The following SGCD variants were observed in gnomAD, a reference collection of about 807,000 sequenced individuals.
The protein encoded by SGCD is delta-sarcoglycan.
A neutral mutation model predicts 36.6 loss-of-function variants in SGCD; 18 were observed. The observed-to-expected ratio is 0.49, with a 90% confidence interval of 0.34 to 0.73. The LOEUF is 0.73. Ranked by LOEUF, SGCD falls within the 30% of genes least tolerant of loss-of-function variation. The pLI is 0.01. For missense variants in SGCD, 387 were observed against 346.7 expected (o/e 1.12, Z -0.92); for synonymous variants, 133 against 130.6 (o/e 1.02, Z -0.12).
At chr5:156,683,370 C>G (rs1753790671) in intron 7 of SGCD, among the ~76,000 whole-genome samples, 2 of 152,288 alleles carry the variant, frequency 1.3e-5, no homozygotes, top group South Asian at 4.2e-4. Flanking sequence ...TTTCTTTCCT[C>G]TCTATTTTAT....
the SGCD span, among the ~76,000 whole-genome samples, chr5:155,750,017 G>A: frequency 3.3e-5 from 5 of 152,224 alleles, no homozygotes; most frequent in African/African-American, 1.2e-4. Context: ...CATTCTTGTT[G>A]TTTGTCTGAG....
At chr5:156,274,701 G>A (rs1046923732) in intron 3 of SGCD, among the ~76,000 whole-genome samples, 16 of 152,142 alleles carry the variant, frequency 1.1e-4, no homozygotes, top group Admixed American at 2.0e-4. Flanking sequence ...TGGAGGTACA[G>A]TAAAATCAAC....
Position 156,504,634 on chromosome 5 carries a change from C to T in SGCD, c.193-3967C>T, listed in dbSNP as rs527281557. On this transcript the variant is annotated intron_variant, in intron 3 of 8. Transcript: ENST00000337851. ...TTTTATTTTTTCTCTTATTAACTGA[C>T]ATGGTGACGAACAACTCTAAAGCTA... Among the ~76,000 whole-genome samples, 4 of 152,162 alleles carry T rather than the reference C, an allele frequency of 2.6e-5. No individual in the cohort carries two copies. In the South Asian group the frequency reaches 6.2e-4, roughly 24 times the overall value.
At chr5:156,365,449 A>G (rs921997283) in intron 3 of SGCD, among the ~76,000 whole-genome samples, 45 of 152,276 alleles carry the variant, frequency 3.0e-4, no homozygotes, top group African/African-American at 1.1e-3. Flanking sequence ...GGAGTTCTTT[A>G]GGAGATGCTT....
chr5:155,833,068 A>AAAAAAAAAAG, the SGCD span, among the ~76,000 whole-genome samples: 1 of 142,640 alleles, frequency 7.0e-6, no homozygotes, highest in Non-Finnish European at 1.5e-5. Context: ...AAAAAAAAAA[A>AAAAAAAAAAG]AAAGAAAAAA....
At chr5:155,983,077 T>C (rs1347202714) in intron 1 of SGCD, among the ~76,000 whole-genome samples, 1 of 151,642 alleles carries the variant, frequency 6.6e-6, no homozygotes, top group Admixed American at 6.5e-5. Context: ...TTTTAAATAC[T>C]TTTTTCCATC....
intron 1 of SGCD, among the ~76,000 whole-genome samples, chr5:156,095,283 G>A (rs1289519808): frequency 1.3e-5 from 2 of 152,180 alleles, no homozygotes; most frequent in African/African-American, 4.8e-5. Flanking sequence ...CACGTGCAGG[G>A]GAGGGGAGAT....
At position 156,603,829 on chromosome 5, in the gene SGCD, G is replaced by A. The variant is rs549099540; in HGVS notation, c.502+8778G>A. Among the ~76,000 whole-genome samples, 23 of 152,030 alleles carry A rather than the reference G, an allele frequency of 1.5e-4. No homozygotes were observed. The South Asian group carries it at 3.1e-3, about 21-fold the overall frequency. On this transcript the variant is annotated intron_variant, in intron 6 of 8. Transcript: ENST00000337851. The stretch of plus-strand genomic sequence containing the variant: ...GTGGTATAACATGTGATCTATTTTG[G>A]AGAATGTTAAACGTGTAATTGAAAA...
intron 8 of SGCD, 44 bp from the exon 9 acceptor site, chr5:156,759,173 G>C: frequency 6.6e-7 from 1 of 1,505,798 alleles, no homozygotes; most frequent in Non-Finnish European, 9.2e-7. Context: ...GAGAAGAGAC[G>C]ACAGCCTCTG....
intron 7 of SGCD, among the ~76,000 whole-genome samples, chr5:156,654,531 A>T (rs1261441447): frequency 6.6e-6 from 1 of 152,084 alleles, no homozygotes; most frequent in Non-Finnish European, 1.5e-5. Context: ...TTAGGCAGAT[A>T]AGGGAACTTC....
At chr5:155,985,405 C>T (rs1371131592) in intron 1 of SGCD, among the ~76,000 whole-genome samples, 5 of 152,180 alleles carry the variant, frequency 3.3e-5, no homozygotes, top group Admixed American at 3.3e-4. Context: ...TGCTTAGAAT[C>T]TCTTGCCTTC....
At chr5:156,317,163 T>C (rs748771888) in intron 3 of SGCD, among the ~76,000 whole-genome samples, 6 of 152,106 alleles carry the variant, frequency 3.9e-5, no homozygotes, top group African/African-American at 1.4e-4. Flanking sequence ...AAATATCAAC[T>C]AATGGGGTGG....
At chr5:155,738,843 GAGTA>G in the SGCD span, among the ~76,000 whole-genome samples, 1 of 150,260 alleles carries the variant, frequency 6.7e-6, no homozygotes, top group Non-Finnish European at 1.5e-5. Context: ...GACTGTGAGA[GAGTA>G]TGTATATGAG....
chr5:156,231,148 G>T (rs564177575), intron 3 of SGCD, among the ~76,000 whole-genome samples: 1 of 152,306 alleles, frequency 6.6e-6, no homozygotes, highest in South Asian at 2.1e-4. Context: ...GGTTTCAGAG[G>T]TTCATAATTA....
intron 3 of SGCD, among the ~76,000 whole-genome samples, chr5:156,377,356 A>G (rs557337369): frequency 6.6e-5 from 10 of 152,232 alleles, no homozygotes; most frequent in Non-Finnish European, 1.3e-4. Flanking sequence ...TATAAAATTT[A>G]TGTTGATTCT....
At chr5:155,788,286 C>T in the SGCD span, among the ~76,000 whole-genome samples, 188 of 152,196 alleles carry the variant, frequency 1.2e-3, no homozygotes, top group African/African-American at 4.4e-3. Context: ...AGTTCCTTTT[C>T]CCCACAGATC....
At chr5:156,590,710 C>G (rs563882408) in intron 5 of SGCD, among the ~76,000 whole-genome samples, 67 of 152,152 alleles carry the variant, frequency 4.4e-4, no homozygotes, top group Admixed American at 8.5e-4. Context: ...GCCCAAATGA[C>G]TATTATTCAG....
chr5:156,429,253 G>A (rs1773816346), intron 3 of SGCD, among the ~76,000 whole-genome samples: 1 of 141,132 alleles, frequency 7.1e-6, no homozygotes, highest in East Asian at 2.1e-4. Flanking sequence ...ATTATATAAT[G>A]TCCCTCATTG....
chr5:155,980,587 C>CAAAAA (rs70981994), intron 1 of SGCD, among the ~76,000 whole-genome samples: 2 of 47,218 alleles, frequency 4.2e-5, no homozygotes, highest in Non-Finnish European at 7.2e-5. Flanking sequence ...GACTCCCTAT[C>CAAAAA]AAAAAAAAAA....
Sources: gnomAD v4.1 joint callset for allele counts (sites outside exome capture counted in the v4.1 genomes callset) on GRCh38, gnomAD v4.1.1 for gene constraint, MANE v1.5 for transcripts, NCBI Gene and HGNC (gene_info 2026-07-23, HGNC 2026-07-21) for gene names.